Variants in DOCK3 observed in about 807,000 individuals in gnomAD.
The protein encoded by DOCK3 is dedicator of cytokinesis 3, also known as dedicator of cytokinesis protein 3.
A neutral mutation model predicts 265.6 loss-of-function variants in DOCK3; 60 were observed. The ratio of observed to expected loss-of-function variants is 0.23; its 90% CI spans 0.18 to 0.28. The LOEUF (loss-of-function observed/expected upper bound fraction) is 0.28, where lower values mean the gene tolerates loss of function less well. Among genes scored for constraint, DOCK3 ranks in the 10% least tolerant of loss-of-function variants. The pLI, the probability that DOCK3 is intolerant of heterozygous loss-of-function variation, is 1.00. For missense variants in DOCK3, 1,981 were observed against 2,594.3 expected, an observed-to-expected ratio of 0.76 and a Z score of 5.14; for synonymous variants, 881 against 938.0, an observed-to-expected ratio of 0.94 and a Z score of 1.11.
chr3:50,854,595 T>TTTTTTTTTTTTG (rs2046498693), intron 3 of DOCK3, among the ~76,000 whole-genome samples: 2 of 129,222 alleles, frequency 1.5e-5, no homozygotes, highest in Non-Finnish European at 3.3e-5. Context: ...CACACCAGTT[T>TTTTTTTTTTTTG]TTTTTTTTTT....
chr3:50,821,243 G>T (rs13065995), intron 2 of DOCK3, among the ~76,000 whole-genome samples: 14,291 of 150,344 alleles, frequency 0.095, 838 homozygotes, highest in Non-Finnish European at 0.12. Context: ...TTAGCCACAG[G>T]TTGTTTTTGC....
chr3:50,832,008 G>T lies in DOCK3; in HGVS notation c.122-9667G>T, dbSNP rs182275346. Among the ~76,000 whole-genome samples the T allele has an allele frequency of 4.3e-3, 658 of 152,110 alleles. 22 individuals carry two copies. The highest frequency in any genetic ancestry group is 0.038 in the Admixed American group (577 of 15,276). On this transcript the variant is annotated intron_variant, in intron 2 of 52. Transcript: ENST00000266037. ...TTGATGAGCTTTTTTTCATATGTTT[G>T]TTGGCCACATAAATGTCTTCTTTTG...
chr3:50,940,106 TAAC>T (rs1385198377), intron 5 of DOCK3, among the ~76,000 whole-genome samples: 2 of 56,818 alleles, frequency 3.5e-5, no homozygotes, highest in African/African-American at 1.0e-4. Context: ...TTTCCACAAA[TAAC>T]AATGAATAAT....
chr3:50,719,026 C>T (rs1305654680), intron 1 of DOCK3, among the ~76,000 whole-genome samples: 4 of 151,942 alleles, frequency 2.6e-5, no homozygotes, highest in East Asian at 3.9e-4. Context: ...CCTCGTGATC[C>T]GCCCACCTCA....
At chr3:50,836,073 A>C (rs1267618340) in intron 2 of DOCK3, among the ~76,000 whole-genome samples, 3 of 152,226 alleles carry the variant, frequency 2.0e-5, no homozygotes, top group African/African-American at 4.8e-5. Context: ...TGATACACCC[A>C]AAAGTAAAAA....
At chr3:51,315,344 A>C (rs2083305802) in intron 32 of DOCK3, among the ~76,000 whole-genome samples, 1 of 152,224 alleles carries the variant, frequency 6.6e-6, no homozygotes, top group Non-Finnish European at 1.5e-5. Context: ...GCCAGGAAAG[A>C]ATGAACATCA....
chr3:51,230,651 G>A (rs1006999693), intron 19 of DOCK3, among the ~76,000 whole-genome samples: 3 of 152,098 alleles, frequency 2.0e-5, no homozygotes, highest in African/African-American at 4.8e-5. Context: ...AGAGTAGCTA[G>A]GACTACAGGC....
At chr3:51,132,507 A>AGGGC (rs1290595551) in intron 9 of DOCK3, among the ~76,000 whole-genome samples, 2 of 152,172 alleles carry the variant, frequency 1.3e-5, no homozygotes, top group East Asian at 3.8e-4. Flanking sequence ...ACTGTCACTC[A>AGGGC]GGGCAGTCAT....
chr3:51,170,989 A>G (rs938693223), intron 12 of DOCK3, among the ~76,000 whole-genome samples: 1 of 151,720 alleles, frequency 6.6e-6, no homozygotes, highest in African/African-American at 2.4e-5. Context: ...TAGCTTTCCA[A>G]GAAACCAACT....
intron 41 of DOCK3, 131 bp downstream of exon 41, chr3:51,355,154 G>A: frequency 7.7e-7 from 1 of 1,295,254 alleles, no homozygotes; most frequent in Non-Finnish European, 1.0e-6. Flanking sequence ...ACCTGAGTGT[G>A]TCCTCATTGC....
At chr3:50,739,137 G>A (rs2038843435) in intron 1 of DOCK3, among the ~76,000 whole-genome samples, 1 of 152,070 alleles carries the variant, frequency 6.6e-6, no homozygotes, top group Admixed American at 6.5e-5. Flanking sequence ...TTTCCTGTAA[G>A]ACACATCTCT....
At chr3:50,739,171 T>C (rs769920269) in intron 1 of DOCK3, among the ~76,000 whole-genome samples, 2 of 152,228 alleles carry the variant, frequency 1.3e-5, no homozygotes, top group African/African-American at 4.8e-5. Context: ...AACGTCTTGT[T>C]GTCTTCTTGT....
intron 27 of DOCK3, among the ~76,000 whole-genome samples, chr3:51,289,625 G>A (rs989265179): frequency 2.2e-4 from 34 of 151,604 alleles, no homozygotes; most frequent in Admixed American, 2.0e-4. Flanking sequence ...TGGAGTTCCT[G>A]AATGGATTTT....
chr3:51,224,263 T>G (rs2090229951), intron 14 of DOCK3, among the ~76,000 whole-genome samples: 1 of 152,228 alleles, frequency 6.6e-6, no homozygotes, highest in Non-Finnish European at 1.5e-5. Flanking sequence ...ACCTTCATTA[T>G]GCAACCAAAT....
Position 51,016,760 on chromosome 3 carries a change from ATGATATATGT to A in DOCK3, c.316-47686_316-47677del, listed in dbSNP as rs1483881801. ...TATTATATATATCAATATAATATAT[ATGATATATGT>A]TTATATATATCATATATAAATATAT... is the stretch of plus-strand genomic sequence containing the variant. On this transcript the variant is annotated intron_variant, in intron 5 of 52. Coordinates refer to ENST00000266037, the MANE Select transcript of DOCK3 (RefSeq NM_004947.5). 5.3e-4 allele frequency among the ~76,000 whole-genome samples: 33 copies of A among 62,238 alleles called. 10 individuals carry two copies. Among genetic ancestry groups the A allele is most frequent in the African/African-American group, 2.2e-3 (26 of 11,930 alleles). The allele number at this position is 62,238 out of a possible 152,430, so 40.8% of individuals were successfully genotyped here. A position where few individuals can be genotyped will look rare whatever the true frequency, so the allele number is the denominator to read the frequency against.
intron 2 of DOCK3, among the ~76,000 whole-genome samples, chr3:50,784,506 T>A (rs2042086139): frequency 6.6e-6 from 1 of 152,248 alleles, no homozygotes; most frequent in South Asian, 2.1e-4. Flanking sequence ...CTTTTTTGGT[T>A]CCATATGAAT....
intron 23 of DOCK3, among the ~76,000 whole-genome samples, chr3:51,261,316 G>A (rs1399389312): frequency 1.3e-5 from 2 of 152,104 alleles, no homozygotes; most frequent in Non-Finnish European, 2.9e-5. Flanking sequence ...CAAGGGGTTG[G>A]GGAACTCCCT....
chr3:51,255,090 T>G (rs1287148077), intron 22 of DOCK3, among the ~76,000 whole-genome samples: 1 of 152,192 alleles, frequency 6.6e-6, no homozygotes, highest in African/African-American at 2.4e-5. Flanking sequence ...AGCATTTGCT[T>G]GTCTGTAAAG....
Position 51,348,851 on chromosome 3 carries a change from G to T in DOCK3, c.3916-1G>T. On this transcript the variant is annotated splice_acceptor_variant, in intron 38 of 52. Coordinates refer to ENST00000266037, the MANE Select transcript of DOCK3 (RefSeq NM_004947.5). LOFTEE classifies it high-confidence loss of function. ...AAGCCCTGTTTCTGTTTCTGACACAGAGCTGGGAGTTTGGGATCCCACTGT... is the reference window on the plus strand; with the variant it reads ...AAGCCCTGTTTCTGTTTCTGACACATAGCTGGGAGTTTGGGATCCCACTGT... 6.4e-7 allele frequency: 1 copy of T among 1,573,574 alleles called. No individual in the cohort carries two copies. Among genetic ancestry groups the T allele is most frequent in the South Asian group, 1.2e-5 (1 of 85,460 alleles).
Sources: gnomAD v4.1 joint callset for allele counts (sites outside exome capture counted in the v4.1 genomes callset) on GRCh38, gnomAD v4.1.1 for gene constraint, MANE v1.5 for transcripts, NCBI Gene and HGNC (gene_info 2026-07-23, HGNC 2026-07-21) for gene names.